CCDC192: variants seen among roughly 807,000 people sequenced by gnomAD.
CCDC192 encodes coiled-coil domain containing 192.
At chr5:127,923,417 T>G (rs1055577808) in intron 6 of CCDC192, among the ~76,000 whole-genome samples, 43 of 150,452 alleles carry the variant, frequency 2.9e-4, no homozygotes, top group South Asian at 4.3e-4. Context: ...TCACTCTGCC[T>G]CCCAGGCTGG....
At chr5:127,735,875 G>C (rs1160423956) in intron 2 of CCDC192, among the ~76,000 whole-genome samples, 6 of 137,168 alleles carry the variant, frequency 4.4e-5, no homozygotes, top group South Asian at 2.4e-4. Flanking sequence ...CTTCTGCAAA[G>C]AGGGACAATT....
At position 127,797,172 on chromosome 5, in the gene CCDC192, G is replaced by C; in HGVS notation, c.292G>C (p.Ala98Pro). 2.5e-6 allele frequency: 1 copy of C among 398,438 alleles called. No individual in the cohort carries two copies. Among genetic ancestry groups the C allele is most frequent in the Non-Finnish European group, 4.4e-6 (1 of 225,678 alleles). 24.7% of individuals were successfully genotyped at this position (398,438 alleles called of 1,614,324 possible). Residue 98 changes from alanine to proline, a missense_variant, in exon 4 of 7, where the codon GCT becomes CCT. Coordinates refer to ENST00000514853, the MANE Select transcript of CCDC192 (RefSeq NM_001317938.2). ...QVSRLEEKLE[A>P]VDHKEASGGP... ...ATCCCGGCTGGAGGAAAAACTGGAGGCTGTGGACCACAAGGAAGCCAGTGG... is the reference window on the plus strand; with the variant it reads ...ATCCCGGCTGGAGGAAAAACTGGAGCCTGTGGACCACAAGGAAGCCAGTGG...
chr5:127,737,035 T>C (rs890652968), intron 2 of CCDC192, among the ~76,000 whole-genome samples: 9 of 151,474 alleles, frequency 5.9e-5, no homozygotes, highest in Non-Finnish European at 1.3e-4. Context: ...GTGTCAATTT[T>C]GGATCTTTCC....
chr5:127,714,054 A>AT (rs1330860747), intron 2 of CCDC192, among the ~76,000 whole-genome samples: 2 of 152,012 alleles, frequency 1.3e-5, no homozygotes, highest in South Asian at 2.1e-4. Context: ...TATGAAATTG[A>AT]TTTTTTTAGA....
intron 2 of CCDC192, among the ~76,000 whole-genome samples, chr5:127,746,145 C>G (rs1450885832): frequency 6.6e-6 from 1 of 152,214 alleles, no homozygotes; most frequent in Non-Finnish European, 1.5e-5. Flanking sequence ...GTGCTCACTG[C>G]AGCTGGAGTG....
chr5:127,706,828 G>C (rs1750993813), intron 1 of CCDC192, among the ~76,000 whole-genome samples: 1 of 152,156 alleles, frequency 6.6e-6, no homozygotes, highest in Non-Finnish European at 1.5e-5. Context: ...GATGAGGTGA[G>C]GGGTTAAATT....
chr5:127,871,408 T>TA lies in CCDC192; in HGVS notation c.412-4127dup, dbSNP rs371963550. Among the ~76,000 whole-genome samples the TA allele has an allele frequency of 7.3e-3, 1,106 of 152,332 alleles. 8 individuals carry two copies. Among genetic ancestry groups the TA allele is most frequent in the Non-Finnish European group, 0.012 (792 of 68,018 alleles). ...ACGTTTCAATTCTTCACTAAAACAC[T>TA]AAAGTATACTTAGAGAAAGTGCTTA... On this transcript the variant is annotated intron_variant, in intron 5 of 6. Coordinates refer to ENST00000514853, the MANE Select transcript of CCDC192 (RefSeq NM_001317938.2).
At chr5:127,770,216 C>T (rs1755470477) in intron 3 of CCDC192, among the ~76,000 whole-genome samples, 1 of 152,212 alleles carries the variant, frequency 6.6e-6, no homozygotes, top group African/African-American at 2.4e-5. Context: ...TCCCAGGTAG[C>T]TGACATTACA....
intron 2 of CCDC192, among the ~76,000 whole-genome samples, chr5:127,718,503 C>A (rs946576091): frequency 6.8e-6 from 1 of 146,864 alleles, no homozygotes; most frequent in African/African-American, 2.5e-5. Context: ...CTGTGTAGTG[C>A]TGGCACATTT....
At chr5:127,728,699 T>A (rs1752470913) in intron 2 of CCDC192, among the ~76,000 whole-genome samples, 1 of 152,106 alleles carries the variant, frequency 6.6e-6, no homozygotes, top group African/African-American at 2.4e-5. Context: ...CATAACAATA[T>A]TAACCTTAAA....
chr5:127,738,760 G>A (rs1484276773), intron 2 of CCDC192, among the ~76,000 whole-genome samples: 5 of 152,018 alleles, frequency 3.3e-5, no homozygotes, highest in African/African-American at 7.3e-5. Context: ...CGTAGTTCTC[G>A]AGCCTTGGTT....
intron 6 of CCDC192, among the ~76,000 whole-genome samples, chr5:127,902,777 A>G (rs1176402974): frequency 6.6e-6 from 1 of 152,208 alleles, no homozygotes; most frequent in African/African-American, 2.4e-5. Flanking sequence ...AAACGATGAC[A>G]CCAGTTACTC....
Position 127,839,350 on chromosome 5 carries a change from C to T in CCDC192, c.412-36188C>T, listed in dbSNP as rs530725706. On this transcript the variant is annotated intron_variant, in intron 5 of 6. Coordinates refer to ENST00000514853, the MANE Select transcript of CCDC192 (RefSeq NM_001317938.2). ...GTGAAAAGAGAGGAATACATAACCA[C>T]ATCACTACAAATGTTATATGTATTA... 1.3e-3 allele frequency among the ~76,000 whole-genome samples: 198 copies of T among 152,296 alleles called. 1 individual carries two copies. The highest frequency in any genetic ancestry group is 4.7e-3 in the African/African-American group (195 of 41,570).
chr5:127,806,869 G>A (rs1757816012), intron 5 of CCDC192, among the ~76,000 whole-genome samples: 1 of 152,096 alleles, frequency 6.6e-6, no homozygotes, highest in African/African-American at 2.4e-5. Flanking sequence ...CTCCATTATA[G>A]AGAGCAGAAA....
intron 2 of CCDC192, among the ~76,000 whole-genome samples, chr5:127,753,891 G>T (rs985183692): frequency 6.6e-6 from 1 of 152,146 alleles, no homozygotes; most frequent in African/African-American, 2.4e-5. Context: ...CCTACTGTTA[G>T]ATGACTGTTA....
At chr5:127,893,494 T>G (rs1367086162) in intron 6 of CCDC192, among the ~76,000 whole-genome samples, 1 of 152,118 alleles carries the variant, frequency 6.6e-6, no homozygotes, top group Non-Finnish European at 1.5e-5. Context: ...CACTATACCT[T>G]TAGAGATCTC....
intron 5 of CCDC192, among the ~76,000 whole-genome samples, chr5:127,802,112 A>G (rs945128859): frequency 6.6e-6 from 1 of 152,180 alleles, no homozygotes. Context: ...TGCTTATTTA[A>G]CAGAGCTCAA....
intron 5 of CCDC192, among the ~76,000 whole-genome samples, chr5:127,803,100 T>C (rs150395420): frequency 9.9e-5 from 15 of 152,264 alleles, no homozygotes; most frequent in African/African-American, 3.1e-4. Flanking sequence ...AACATGAAAA[T>C]TAACAACGTA....
rs1308722783 is a variant in CCDC192 at position 127,797,221 on chromosome 5, T to C, written c.341T>C (p.Leu114Pro). 1.8e-5 allele frequency: 7 copies of C among 398,086 alleles called. No individual in the cohort carries two copies. The highest frequency in any genetic ancestry group is 2.7e-5 in the Non-Finnish European group (6 of 225,498). The allele number at this position is 398,086 out of a possible 1,614,324, so 24.7% of individuals were successfully genotyped here. The change falls in exon 4 of 7, where the codon CTT becomes CCT. Residue 114 changes from leucine (L) to proline (P), a missense_variant. Coordinates refer to ENST00000514853, the MANE Select transcript of CCDC192 (RefSeq NM_001317938.2). ...ASGGPYEKMVLVKDQCIQKLQ... is the reference protein window; with the variant it reads ...ASGGPYEKMVPVKDQCIQKLQ... ...GGGGGACCATATGAAAAAATGGTTC[T>C]TGTGAAAGACCAGGTATGTTGTAGA...
Sources: allele counts gnomAD v4.1 joint callset (sites outside exome capture counted in the v4.1 genomes callset), GRCh38; gene constraint gnomAD v4.1.1; transcripts MANE v1.5; gene names NCBI Gene and HGNC (gene_info 2026-07-23, HGNC 2026-07-21).